Variants in KHDRBS3 observed in about 807,000 individuals in gnomAD.
The protein encoded by KHDRBS3 is KH RNA binding domain containing, signal transduction associated 3, also known as KH domain-containing, RNA-binding, signal transduction-associated protein 3.
A neutral mutation model predicts 45.6 loss-of-function variants in KHDRBS3; 23 were observed. That is an observed-to-expected ratio of 0.50 (90% CI 0.36 to 0.72). The LOEUF is 0.72. KHDRBS3 is among the 30% of genes least tolerant of loss of function. The pLI is 0.00. For synonymous variants in KHDRBS3, 162 were observed against 156.5 expected, an observed-to-expected ratio of 1.04 and a Z score of -0.26; for missense variants, 352 against 424.8, an observed-to-expected ratio of 0.83 and a Z score of 1.51.
At chr8:135,598,060 G>A (rs911337671) in intron 6 of KHDRBS3, among the ~76,000 whole-genome samples, 1 of 152,226 alleles carries the variant, frequency 6.6e-6, no homozygotes, top group Non-Finnish European at 1.5e-5. Context: ...GTATTCAGAT[G>A]TGGATAGAAT....
At position 135,582,017 on chromosome 8, in the gene KHDRBS3, C is replaced by G. The variant is rs765618110; in HGVS notation, c.751C>G (p.Pro251Ala). The G allele has an allele frequency of 6.2e-7, 1 of 1,612,138 alleles. No individual in the cohort carries two copies. The highest frequency in any genetic ancestry group is 8.5e-7 in the Non-Finnish European group (1 of 1,178,982). Residue 251 changes from proline (P) to alanine (A), a missense_variant, in exon 6 of 9, where the codon CCA (proline) becomes GCA (alanine). Pro to Ala is a conservative substitution (Grantham distance 27). Coordinates refer to ENST00000355849, the MANE Select transcript of KHDRBS3 (RefSeq NM_006558.3). ...CACTCCCAGAGCAAGAGGAGTCCCC[C>G]CAACTGGGTACAGACCTCCACCGCC... ...LLTPRARGVPPTGYRPPPPPP... is the reference protein window; with the variant it reads ...LLTPRARGVPATGYRPPPPPP...
chr8:135,641,191 A>G (rs1359541444), intron 7 of KHDRBS3, among the ~76,000 whole-genome samples: 8 of 152,180 alleles, frequency 5.3e-5, no homozygotes, highest in Non-Finnish European at 8.8e-5. Flanking sequence ...ATTATGCTGA[A>G]CTGTGTTATA....
At position 135,468,468 on chromosome 8, in the gene KHDRBS3, G is replaced by A. The variant is rs146000093; in HGVS notation, c.88+10514G>A. 2.9e-3 allele frequency among the ~76,000 whole-genome samples: 445 copies of A among 152,226 alleles called. 4 individuals are homozygous for A. The highest frequency in any genetic ancestry group is 1.0e-2 in the African/African-American group (415 of 41,524). The stretch of plus-strand genomic sequence containing the variant: ...TCATTGTCTTTATGCGAAACTCTAC[G>A]CCTAGGGACAGCAAACTTTTTCTGT... On this transcript the variant is annotated intron_variant, in intron 1 of 8. Coordinates refer to ENST00000355849, the MANE Select transcript of KHDRBS3 (RefSeq NM_006558.3).
chr8:135,571,484 G>C (rs1328519885), intron 5 of KHDRBS3, among the ~76,000 whole-genome samples: 1 of 152,150 alleles, frequency 6.6e-6, no homozygotes, highest in Non-Finnish European at 1.5e-5. Flanking sequence ...GTATTTACCT[G>C]AGTAAGTCTA....
At chr8:135,506,318 A>G (rs1823991693) in intron 1 of KHDRBS3, among the ~76,000 whole-genome samples, 1 of 152,162 alleles carries the variant, frequency 6.6e-6, no homozygotes, top group Non-Finnish European at 1.5e-5. Flanking sequence ...CAGATGATAA[A>G]AATGTGTGTA....
At chr8:135,531,325 C>T (rs997785809) in intron 2 of KHDRBS3, among the ~76,000 whole-genome samples, 1 of 151,944 alleles carries the variant, frequency 6.6e-6, no homozygotes, top group Non-Finnish European at 1.5e-5. Context: ...ACCAAATAAT[C>T]TCAACCACTA....
intron 7 of KHDRBS3, among the ~76,000 whole-genome samples, chr8:135,623,114 C>T (rs1217466598): frequency 3.3e-5 from 5 of 152,202 alleles, no homozygotes; most frequent in African/African-American, 4.8e-5. Context: ...TTCAATACTT[C>T]ATGCAAAGAA....
At chr8:135,507,070 A>G (rs1824038860) in intron 1 of KHDRBS3, among the ~76,000 whole-genome samples, 1 of 152,146 alleles carries the variant, frequency 6.6e-6, no homozygotes, top group Non-Finnish European at 1.5e-5. Flanking sequence ...CTGCAGATAT[A>G]TTCTATATTT....
At chr8:135,575,467 G>A (rs1161892864) in intron 5 of KHDRBS3, among the ~76,000 whole-genome samples, 3 of 152,180 alleles carry the variant, frequency 2.0e-5, no homozygotes, top group Non-Finnish European at 4.4e-5. Flanking sequence ...CCTCAAGCCT[G>A]CTGCCCTTAC....
chr8:135,599,984 T>G (rs1220275737), intron 6 of KHDRBS3, among the ~76,000 whole-genome samples: 1 of 143,122 alleles, frequency 7.0e-6, no homozygotes, highest in Non-Finnish European at 1.5e-5. Context: ...CAGGCAGCAG[T>G]GGCAGGCACC....
At chr8:135,636,621 G>T (rs1471866515) in intron 7 of KHDRBS3, among the ~76,000 whole-genome samples, 1 of 152,200 alleles carries the variant, frequency 6.6e-6, no homozygotes, top group Non-Finnish European at 1.5e-5. Context: ...GCTCGTGATG[G>T]ATCCAGCAGC....
intron 1 of KHDRBS3, among the ~76,000 whole-genome samples, chr8:135,502,704 C>G (rs138530594): frequency 6.6e-6 from 1 of 152,242 alleles, no homozygotes; most frequent in African/African-American, 2.4e-5. Flanking sequence ...TTTTCCAACC[C>G]GTCGAGCTGC....
intron 5 of KHDRBS3, among the ~76,000 whole-genome samples, chr8:135,569,533 G>A (rs371729991): frequency 5.3e-5 from 8 of 152,148 alleles, no homozygotes; most frequent in African/African-American, 1.9e-4. Context: ...ACTAACTTGA[G>A]AGTTAGTAAT....
At chr8:135,487,269 T>A (rs1384338625) in intron 1 of KHDRBS3, among the ~76,000 whole-genome samples, 1 of 152,234 alleles carries the variant, frequency 6.6e-6, no homozygotes, top group East Asian at 1.9e-4. Flanking sequence ...GTATACCTGG[T>A]AAAGCTACTT....
intron 1 of KHDRBS3, among the ~76,000 whole-genome samples, chr8:135,515,702 T>C (rs1263494857): frequency 3.3e-5 from 5 of 152,220 alleles, no homozygotes; most frequent in Admixed American, 6.5e-5. Flanking sequence ...ACTGCTTTCC[T>C]GTGTGCAGTC....
At chr8:135,551,927 T>G (rs1489069146) in intron 4 of KHDRBS3, among the ~76,000 whole-genome samples, 2 of 152,210 alleles carry the variant, frequency 1.3e-5, no homozygotes, top group Non-Finnish European at 2.9e-5. Context: ...ATATAATTAT[T>G]GATTGATCGT....
At chr8:135,517,909 GT>G (rs1824698918) in intron 1 of KHDRBS3, among the ~76,000 whole-genome samples, 1 of 152,196 alleles carries the variant, frequency 6.6e-6, no homozygotes, top group African/African-American at 2.4e-5. Flanking sequence ...GTAGGATGCT[GT>G]GTATATGTAG....
intron 2 of KHDRBS3, among the ~76,000 whole-genome samples, chr8:135,536,997 AGG>A (rs1491143009): frequency 0.1 from 1,503 of 14,566 alleles, 160 homozygotes; most frequent in African/African-American, 0.3. Context: ...AAAAAAAAAA[AGG>A]AGATGTTTAG....
rs373950956 is a variant in KHDRBS3, at chr8:135,510,728, C to T, written c.89-10509C>T. Reference sequence around the variant, plus strand: ...GATTACAGGCTTGAGCCACTGCACCCGGCCAGTTGATGGTTTTTGATTGGT... The same window carrying T: ...GATTACAGGCTTGAGCCACTGCACCTGGCCAGTTGATGGTTTTTGATTGGT... On this transcript the variant is annotated intron_variant, in intron 1 of 8. Coordinates refer to ENST00000355849, the MANE Select transcript of KHDRBS3 (RefSeq NM_006558.3). Among the ~76,000 whole-genome samples the T allele has an allele frequency of 3.9e-5, 6 of 152,202 alleles. No individual in the cohort carries two copies. The East Asian group carries it at 9.7e-4, about 24-fold the overall frequency.
Sources: allele counts gnomAD v4.1 joint callset (sites outside exome capture counted in the v4.1 genomes callset), GRCh38; gene constraint gnomAD v4.1.1; transcripts MANE v1.5; gene names NCBI Gene and HGNC (gene_info 2026-07-23, HGNC 2026-07-21).